The following PRELID2 variants were observed in gnomAD, a reference collection of about 807,000 sequenced individuals.
PRELID2 encodes the protein PRELI domain-containing protein 2.
Under a neutral mutation model 28.4 loss-of-function variants are expected in PRELID2, and 25 were observed. The observed-to-expected ratio is 0.88, with a 90% CI of 0.64 to 1.23. The LOEUF is 1.23. Ranked by LOEUF, PRELID2 falls within the 50% of genes most tolerant of loss-of-function variation. PRELID2 has a pLI of 0.00. For synonymous variants in PRELID2, 76 were observed against 71.6 expected, an observed-to-expected ratio of 1.06 and a Z score of -0.31; for missense variants, 201 against 214.4, an observed-to-expected ratio of 0.94 and a Z score of 0.39.
At chr5:145,393,009 G>T in the PRELID2 span, among the ~76,000 whole-genome samples, 33 of 152,246 alleles carry the variant, frequency 2.2e-4, 1 homozygote, top group East Asian at 5.6e-3. Flanking sequence ...ATTGCACCTT[G>T]CTACTTTACC....
the PRELID2 span, among the ~76,000 whole-genome samples, chr5:145,273,610 ATGAC>A: frequency 6.6e-6 from 1 of 152,178 alleles, no homozygotes; most frequent in Non-Finnish European, 1.5e-5. Flanking sequence ...ATACATGTGT[ATGAC>A]TGACAGTCTG....
intron 5 of PRELID2, among the ~76,000 whole-genome samples, chr5:145,781,884 T>C (rs1241040192): frequency 6.6e-6 from 1 of 151,820 alleles, no homozygotes; most frequent in African/African-American, 2.4e-5. Context: ...CATAGGTTTA[T>C]ACGAGGTACA....
At chr5:145,322,751 A>C in the PRELID2 span, among the ~76,000 whole-genome samples, 1 of 152,144 alleles carries the variant, frequency 6.6e-6, no homozygotes, top group African/African-American at 2.4e-5. Context: ...AGAGCTCATT[A>C]ATAAATACAA....
downstream of PRELID2, among the ~76,000 whole-genome samples, chr5:145,751,747 C>T (rs924625749): frequency 2.0e-5 from 3 of 152,048 alleles, no homozygotes; most frequent in South Asian, 2.1e-4. Flanking sequence ...TTTGGGAGGC[C>T]GAGGCGGGTG....
intron 3 of PRELID2, among the ~76,000 whole-genome samples, chr5:145,818,828 C>T (rs1174781864): frequency 6.6e-6 from 1 of 152,200 alleles, no homozygotes. Context: ...GCAAGCTAAT[C>T]GGCAGGAGCC....
At chr5:145,559,504 C>T (rs2126690908) in intron 1 of PRELID2, among the ~76,000 whole-genome samples, 1 of 152,274 alleles carries the variant, frequency 6.6e-6, no homozygotes, top group East Asian at 1.9e-4. Context: ...TGCACATACA[C>T]ATGCATAAAC....
At chr5:145,575,952 C>T (rs978047707) in intron 1 of PRELID2, among the ~76,000 whole-genome samples, 6 of 152,096 alleles carry the variant, frequency 3.9e-5, no homozygotes. Flanking sequence ...ACACTCTTCT[C>T]CATCCTCCCA....
At chr5:145,293,774 T>A in the PRELID2 span, among the ~76,000 whole-genome samples, 1 of 152,158 alleles carries the variant, frequency 6.6e-6, no homozygotes, top group Non-Finnish European at 1.5e-5. Flanking sequence ...AATAGTGAAG[T>A]TAGATCAAGA....
chr5:145,629,672 A>T (rs540098143), intron 1 of PRELID2, among the ~76,000 whole-genome samples: 1 of 152,296 alleles, frequency 6.6e-6, no homozygotes, highest in South Asian at 2.1e-4. Flanking sequence ...ATGGGAAAAA[A>T]TATTGCTGTG....
At chr5:145,398,416 C>T in the PRELID2 span, among the ~76,000 whole-genome samples, 129 of 152,132 alleles carry the variant, frequency 8.5e-4, 1 homozygote, top group African/African-American at 2.9e-3. Context: ...AGTAACATAC[C>T]TTTCTGAAGG....
the PRELID2 span, among the ~76,000 whole-genome samples, chr5:145,437,476 A>G: frequency 6.6e-6 from 1 of 152,152 alleles, no homozygotes; most frequent in African/African-American, 2.4e-5. Context: ...AAGCAATTAA[A>G]TGTCTTTAGT....
the PRELID2 span, among the ~76,000 whole-genome samples, chr5:145,347,742 T>C: frequency 1.8e-4 from 28 of 152,190 alleles, no homozygotes; most frequent in East Asian, 5.4e-3. Flanking sequence ...CTAGAAAATA[T>C]TCTGTATGAT....
intron 1 of PRELID2, among the ~76,000 whole-genome samples, chr5:145,624,913 A>C (rs997465461): frequency 2.0e-5 from 3 of 152,140 alleles, no homozygotes; most frequent in African/African-American, 7.2e-5. Context: ...ACAATGGAAA[A>C]ATTGTCAAAA....
chr5:145,548,951 T>C (rs1752810025), intron 1 of PRELID2, among the ~76,000 whole-genome samples: 1 of 152,226 alleles, frequency 6.6e-6, no homozygotes, highest in Non-Finnish European at 1.5e-5. Flanking sequence ...TCAAGTTCCA[T>C]TTAATTCCTC....
chr5:145,776,928 C>A (rs1478709986), intron 5 of PRELID2, among the ~76,000 whole-genome samples: 2 of 152,146 alleles, frequency 1.3e-5, no homozygotes, highest in Non-Finnish European at 2.9e-5. Flanking sequence ...TAAAATTATT[C>A]CTTTCAATAA....
At chr5:145,811,082 CAAAAAAAAAAAA>C (rs56978118) in intron 4 of PRELID2, among the ~76,000 whole-genome samples, 57 of 26,740 alleles carry the variant, frequency 2.1e-3, no homozygotes, top group African/African-American at 6.6e-3. Context: ...TGGCAGCAGG[CAAAAAAAAAAAA>C]AAAAAAAAAA....
chr5:145,429,186 C>T, the PRELID2 span, among the ~76,000 whole-genome samples: 1 of 152,066 alleles, frequency 6.6e-6, no homozygotes, highest in Admixed American at 6.5e-5. Context: ...AAACCTATTG[C>T]AATAATGAAG....
intron 1 of PRELID2, among the ~76,000 whole-genome samples, chr5:145,726,856 C>T (rs549846419): frequency 2.0e-4 from 30 of 152,150 alleles, no homozygotes; most frequent in Non-Finnish European, 4.0e-4. Flanking sequence ...TCTGCCCACA[C>T]AAATTGTACA....
In PRELID2 at chr5:145,528,762, C is replaced by G. The variant is rs558603704; in HGVS notation, n.71-55447G>C. Among the ~76,000 whole-genome samples, 3 of 151,934 alleles carry G rather than the reference C, an allele frequency of 2.0e-5. No homozygotes were observed. The East Asian group carries it at 5.8e-4, about 29-fold the overall frequency. The stretch of plus-strand genomic sequence containing the variant: ...AGAGAGAGAGAGAGAGTAAGTCACT[C>G]TCACTCACACACAAGAGAGACCAAA... On this transcript the variant is annotated intron_variant and non_coding_transcript_variant, in intron 1 of 2. Transcript: ENST00000510259.
Sources: gnomAD v4.1 joint callset for allele counts (sites outside exome capture counted in the v4.1 genomes callset) on GRCh38, gnomAD v4.1.1 for gene constraint, MANE v1.5 for transcripts, NCBI Gene and HGNC (gene_info 2026-07-23, HGNC 2026-07-21) for gene names.